Variants in ASMTL observed in about 807,000 individuals in gnomAD.
ASMTL encodes probable bifunctional dTTP/UTP pyrophosphatase/methyltransferase protein.
In ASMTL, 57 loss-of-function variants were observed where a neutral mutation model predicts 60.3. The ratio of observed to expected loss-of-function variants is 0.95; its 90% CI spans 0.76 to 1.18. The LOEUF is 1.18. Ranked by LOEUF, ASMTL falls within the 50% of genes most tolerant of loss-of-function variation. ASMTL has a pLI of 0.00. For synonymous variants in ASMTL, 419 were observed against 373.0 expected (o/e 1.12, Z -1.42); for missense variants, 981 against 852.6 (o/e 1.15, Z -1.88).
At chrX:1,411,067 C>G (rs1170233312) in intron 12 of ASMTL, among the ~76,000 whole-genome samples, 3 of 151,992 alleles carry the variant, frequency 2.0e-5, no homozygotes, top group African/African-American at 4.8e-5. Flanking sequence ...TGCCAGTAAT[C>G]CAGCTACTCG....
chrX:1,450,280 G>A (rs373233208), intron 1 of ASMTL, among the ~76,000 whole-genome samples: 1 of 151,870 alleles, frequency 6.6e-6, no homozygotes, highest in Non-Finnish European at 1.5e-5. Flanking sequence ...CCTACCACCC[G>A]GAATAAGATC....
At chrX:1,411,806 C>CTTTTTTTTTTTT (rs756437483) in intron 12 of ASMTL, among the ~76,000 whole-genome samples, 1 of 86,172 alleles carries the variant, frequency 1.2e-5, no homozygotes, top group African/African-American at 4.9e-5. Context: ...TTAGGATTTT[C>CTTTTTTTTTTTT]TTTTTTTTTT....
In ASMTL at chrX:1,432,250, C is replaced by A. The variant is rs1265311307; in HGVS notation, c.509+19G>T. 6.3e-7 allele frequency: 1 copy of A among 1,591,574 alleles called. No homozygotes were observed. Among genetic ancestry groups the A allele is most frequent in the South Asian group, 1.1e-5 (1 of 89,740 alleles). ...CTTCCACACGTGTCCCCCGTCCCCC[C>A]ACCGCCCCCGAGACTCACATGGGCT... On this transcript the variant is annotated intron_variant, in intron 6 of 12. Transcript: ENST00000381317.
At chrX:1,449,058 A>T (rs1295602120) in intron 1 of ASMTL, among the ~76,000 whole-genome samples, 2 of 152,134 alleles carry the variant, frequency 1.3e-5, no homozygotes, top group African/African-American at 4.8e-5. Flanking sequence ...GACCAGAGAC[A>T]TTCTAACACC....
upstream of ASMTL, among the ~76,000 whole-genome samples, chrX:1,453,308 A>C (rs565056258): frequency 3.5e-5 from 5 of 144,492 alleles, no homozygotes; most frequent in African/African-American, 1.3e-4. Context: ...GCCGCCATTG[A>C]GCTCCCCGTG....
chrX:1,407,265 T>C (rs1303443829), intron 12 of ASMTL, among the ~76,000 whole-genome samples: 1 of 149,442 alleles, frequency 6.7e-6, no homozygotes, highest in African/African-American at 2.5e-5. Context: ...GATAGATGGA[T>C]GCATGGATGA....
chrX:1,404,350 A>G (rs1213002172), intron 12 of ASMTL, among the ~76,000 whole-genome samples: 3 of 151,094 alleles, frequency 2.0e-5, no homozygotes, highest in African/African-American at 7.4e-5. Context: ...AGATGAATGC[A>G]TGGATGAGAT....
At chrX:1,453,608 G>C (rs183357852), upstream of ASMTL, 2 of 151,326 alleles carry the variant, frequency 1.3e-5, no homozygotes, top group South Asian at 3.9e-4. Context: ...TGGGGGTGGG[G>C]GGTTCTTACC....
At chrX:1,404,505 AATAG>A (rs1210452421) in intron 12 of ASMTL, among the ~76,000 whole-genome samples, 2 of 144,956 alleles carry the variant, frequency 1.4e-5, no homozygotes, top group Non-Finnish European at 3.0e-5. Flanking sequence ...TGGATGGGTG[AATAG>A]ATAGTAGATG....
At chrX:1,413,979 C>T (rs1409447943) in intron 11 of ASMTL, 1 of 150,448 alleles carries the variant, frequency 6.6e-6, no homozygotes, top group African/African-American at 2.5e-5. Flanking sequence ...AGCCCCAGAA[C>T]CTGGGAATGG....
chrX:1,424,378 A>ATCCATCTATCCACCCTCCCC (rs2090555429), intron 8 of ASMTL, among the ~76,000 whole-genome samples: 1 of 148,974 alleles, frequency 6.7e-6, no homozygotes. Context: ...CCACCCTCCC[A>ATCCATCTATCCACCCTCCCC]TCCATCTGTC....
intron 12 of ASMTL, among the ~76,000 whole-genome samples, chrX:1,404,046 A>G (rs1415828590): frequency 6.6e-6 from 1 of 151,974 alleles, no homozygotes. Context: ...AGATGGATGC[A>G]TGGACGAGAT....
chrX:1,412,922 T>C (rs1273300769), intron 11 of ASMTL, 68 bp from the exon 12 acceptor site: 3 of 1,573,732 alleles, frequency 1.9e-6, no homozygotes, highest in Non-Finnish European at 2.6e-6. Flanking sequence ...GGACAGATCC[T>C]GGGACGGCCA....
intron 10 of ASMTL, 71 bp from the exon 11 acceptor site, chrX:1,418,187 C>A: frequency 6.7e-7 from 1 of 1,497,146 alleles, no homozygotes; most frequent in East Asian, 2.3e-5. Context: ...CAAAGCTCAA[C>A]TGGGGCAGAA....
Position 1,412,826 on chromosome X carries a change from G to T in ASMTL, c.1551C>A (p.Ser517Arg), listed in dbSNP as rs755046771. The change falls in exon 12 of 13, where the codon AGC becomes AGA. Residue 517 changes from serine (S) to arginine (R), a missense_variant. Transcript: ENST00000381317. ...AGDFFRDPLP[S>R]AELYVLCRIL... is the part of the protein sequence containing the mutation. The stretch of plus-strand genomic sequence containing the variant: ...TCCGGCACAGGACGTACAGCTCAGC[G>T]CTGGGGAGGGGGTCCCTGAAAAAGT... The T allele has an allele frequency of 1.2e-6, 2 of 1,613,824 alleles. No individual in the cohort carries two copies. Among genetic ancestry groups the T allele is most frequent in the Non-Finnish European group, 1.7e-6 (2 of 1,179,850 alleles).
chrX:1,426,609 T>C (rs2090618572), intron 7 of ASMTL, among the ~76,000 whole-genome samples: 1 of 152,052 alleles, frequency 6.6e-6, no homozygotes, highest in Non-Finnish European at 1.5e-5. Context: ...TCCCAGCACT[T>C]TAGGAGGCCG....
At chrX:1,416,876 GAC>G (rs1408690815) in intron 11 of ASMTL, among the ~76,000 whole-genome samples, 4 of 147,814 alleles carry the variant, frequency 2.7e-5, no homozygotes, top group East Asian at 2.0e-4. Flanking sequence ...TATATCCACA[GAC>G]ACGCAGACAC....
chrX:1,435,681 A>T lies in ASMTL; in HGVS notation c.338+13T>A. 1.2e-6 allele frequency: 2 copies of T among 1,613,512 alleles called. No individual in the cohort carries two copies. The highest frequency in any genetic ancestry group is 1.7e-6 in the Non-Finnish European group (2 of 1,179,820). ...AGAACCCGAGAGGGCTCAGAGGCCA[A>T]CATGGTGCTTACCGGGACAGCATCC... On this transcript the variant is annotated intron_variant, in intron 4 of 12. Coordinates refer to ENST00000381317, the MANE Select transcript of ASMTL (RefSeq NM_004192.4).
chrX:1,434,031 G>C (rs1424016743), intron 5 of ASMTL, among the ~76,000 whole-genome samples: 1 of 152,162 alleles, frequency 6.6e-6, no homozygotes, highest in Non-Finnish European at 1.5e-5. Flanking sequence ...AGGTCCCATG[G>C]GACCCGGCCC....
Sources: gnomAD v4.1 joint callset for allele counts (sites outside exome capture counted in the v4.1 genomes callset) on GRCh38, gnomAD v4.1.1 for gene constraint, MANE v1.5 for transcripts, NCBI Gene and HGNC (gene_info 2026-07-23, HGNC 2026-07-21) for gene names.